Variants in SHB observed in about 807,000 individuals in gnomAD.
The protein encoded by SHB is SH2 domain-containing adapter protein B.
SHB carries 20 observed loss-of-function variants against 52.3 expected under a neutral mutation model. The ratio of observed to expected loss-of-function variants is 0.38; its 90% CI spans 0.27 to 0.56. The LOEUF (loss-of-function observed/expected upper bound fraction) is 0.56, where lower values mean the gene tolerates loss of function less well. SHB is among the 20% of genes least tolerant of loss of function. The pLI, the probability that SHB is intolerant of heterozygous loss-of-function variation, is 0.71. For missense variants in SHB, 825 were observed against 723.3 expected (o/e 1.14, Z -1.61); for synonymous variants, 397 against 316.5 (o/e 1.25, Z -2.70).
chr9:37,947,562 C>T (rs1260140633), intron 5 of SHB, among the ~76,000 whole-genome samples: 2 of 152,250 alleles, frequency 1.3e-5, no homozygotes, highest in Admixed American at 1.3e-4. Flanking sequence ...CCTGCCTCTG[C>T]CCATGCCTGC....
chr9:38,049,518 G>C (rs1410082541), intron 1 of SHB, among the ~76,000 whole-genome samples: 7 of 151,216 alleles, frequency 4.6e-5, no homozygotes, highest in African/African-American at 4.9e-5. Context: ...GGCTGAGACA[G>C]AAGAATCGCT....
At chr9:37,951,808 G>A (rs907141076) in intron 4 of SHB, among the ~76,000 whole-genome samples, 2 of 152,248 alleles carry the variant, frequency 1.3e-5, no homozygotes, top group Non-Finnish European at 2.9e-5. Context: ...GAGAGAAGGA[G>A]CAGAGGGTGC....
At chr9:37,959,921 A>C (rs1413626264) in intron 3 of SHB, among the ~76,000 whole-genome samples, 1 of 152,230 alleles carries the variant, frequency 6.6e-6, no homozygotes, top group Non-Finnish European at 1.5e-5. Flanking sequence ...CATTACCGGC[A>C]ACATAACAGG....
chr9:38,054,566 A>C (rs1317289897), intron 1 of SHB, among the ~76,000 whole-genome samples: 1 of 152,176 alleles, frequency 6.6e-6, no homozygotes, highest in Middle Eastern at 3.2e-3. Context: ...CACAGTTGTG[A>C]CATCAAAGGG....
intron 2 of SHB, among the ~76,000 whole-genome samples, chr9:37,985,338 G>T (rs747496935): frequency 6.4e-4 from 98 of 152,390 alleles, no homozygotes; most frequent in Non-Finnish European, 8.5e-4. Context: ...AGTACTCGAA[G>T]AGAGACAAAG....
intron 1 of SHB, among the ~76,000 whole-genome samples, chr9:38,060,742 G>A (rs1415136360): frequency 6.6e-6 from 1 of 152,164 alleles, no homozygotes; most frequent in Non-Finnish European, 1.5e-5. Flanking sequence ...TGCATCTCCT[G>A]TGGCTCCATG....
rs747385431 is a variant in SHB at position 38,067,970 on chromosome 9, C to G, written c.676G>C (p.Ala226Pro). 1.9e-6 allele frequency: 3 copies of G among 1,552,364 alleles called. No homozygotes were observed. Among genetic ancestry groups the G allele is most frequent in the Admixed American group, 3.7e-5 (2 of 54,212 alleles). Residue 226 changes from alanine to proline, a missense_variant, in exon 1 of 6, where the codon GCC (alanine) becomes CCC (proline). Coordinates refer to ENST00000377707, the MANE Select transcript of SHB (RefSeq NM_003028.3). Reference sequence around the variant, plus strand: ...GCCCCGCTCTCCTCCGCGGCTGAGGCGGCGCACTTGTTGAGCAGTTTCTTG... The same window carrying G: ...GCCCCGCTCTCCTCCGCGGCTGAGGGGGCGCACTTGTTGAGCAGTTTCTTG... ...GGKKLLNKCA[A>P]SAAEESGAGK... is the part of the protein sequence containing the mutation.
At chr9:37,994,576 TG>T (rs1218542189) in intron 2 of SHB, among the ~76,000 whole-genome samples, 1 of 152,226 alleles carries the variant, frequency 6.6e-6, no homozygotes, top group Admixed American at 6.5e-5. Flanking sequence ...TGGCAACCTC[TG>T]TTGTGGAGTG....
chr9:37,971,120 A>G (rs1202488056), intron 3 of SHB, among the ~76,000 whole-genome samples: 2 of 152,172 alleles, frequency 1.3e-5, no homozygotes, highest in East Asian at 3.9e-4. Context: ...TCTGACAGGT[A>G]CTATGCTAAG....
chr9:37,927,962 T>C (rs1587194265), intron 5 of SHB, among the ~76,000 whole-genome samples: 4 of 151,962 alleles, frequency 2.6e-5, no homozygotes, highest in African/African-American at 9.7e-5. Context: ...TTTTTTTTTT[T>C]CTACCTCTAA....
rs927408370 is a variant in SHB, at chr9:37,962,106, C to G, written c.1055-6052G>C. Among the ~76,000 whole-genome samples the G allele has an allele frequency of 5.3e-5, 8 of 152,346 alleles. 1 individual carries two copies. The South Asian group carries it at 1.7e-3, about 32-fold the overall frequency. ...CTTCTTTGAGCCTTAGCTGCCTCAT[C>G]TGCAAACCAGGGCTGACAATACCTG... is the stretch of plus-strand genomic sequence containing the variant. On this transcript the variant is annotated intron_variant, in intron 3 of 5. Transcript: ENST00000377707.
chr9:38,034,179 G>A (rs1821453199), intron 1 of SHB, among the ~76,000 whole-genome samples: 1 of 152,062 alleles, frequency 6.6e-6, no homozygotes, highest in African/African-American at 2.4e-5. Flanking sequence ...GTGTACTAAC[G>A]CCCCTCATAA....
intron 5 of SHB, among the ~76,000 whole-genome samples, chr9:37,944,164 C>T (rs1462340145): frequency 6.6e-6 from 1 of 152,122 alleles, no homozygotes; most frequent in Non-Finnish European, 1.5e-5. Flanking sequence ...GCAGAATCGC[C>T]GAAGACGATT....
At chr9:37,983,341 G>C (rs1820762204) in intron 2 of SHB, among the ~76,000 whole-genome samples, 1 of 152,210 alleles carries the variant, frequency 6.6e-6, no homozygotes, top group Admixed American at 6.5e-5. Flanking sequence ...TGTACATGAG[G>C]TTGCTCGAGA....
chr9:37,954,214 G>A (rs1475245886), intron 4 of SHB, among the ~76,000 whole-genome samples: 1 of 152,258 alleles, frequency 6.6e-6, no homozygotes, highest in African/African-American at 2.4e-5. Flanking sequence ...AAAGGTGGCA[G>A]AAGCCTCCAG....
At chr9:38,034,855 C>T (rs1194561997) in intron 1 of SHB, among the ~76,000 whole-genome samples, 1 of 152,218 alleles carries the variant, frequency 6.6e-6, no homozygotes, top group Admixed American at 6.5e-5. Flanking sequence ...CACCACCATG[C>T]CTGGCTATTT....
intron 5 of SHB, among the ~76,000 whole-genome samples, chr9:37,946,824 C>T (rs148422998): frequency 1.3e-5 from 2 of 152,210 alleles, no homozygotes; most frequent in Non-Finnish European, 2.9e-5. Context: ...GGGAGGGAGA[C>T]AGAGTGATAA....
Position 38,068,725 on chromosome 9 carries a change from G to A in SHB, c.-80C>T. The stretch of plus-strand genomic sequence containing the variant: ...TTCGGGGGGCAGCGCTGCGGCGCAG[G>A]TCCCTCGGCGCCCCGGCCCCGGCGG... On this transcript the variant is annotated 5_prime_UTR_variant, in exon 1 of 6. Transcript: ENST00000377707. 2.0e-6 allele frequency: 2 copies of A among 1,013,966 alleles called. No individual in the cohort carries two copies. The highest frequency in any genetic ancestry group is 1.2e-6 in the Non-Finnish European group (1 of 817,218). 62.8% of individuals were successfully genotyped at this position (1,013,966 alleles called of 1,614,324 possible).
At chr9:37,922,203 G>A (rs1832189924) in intron 5 of SHB, among the ~76,000 whole-genome samples, 1 of 152,242 alleles carries the variant, frequency 6.6e-6, no homozygotes, top group African/African-American at 2.4e-5. Flanking sequence ...CCAGTGTGCA[G>A]GTATGAAGCT....
Sources: allele counts gnomAD v4.1 joint callset (sites outside exome capture counted in the v4.1 genomes callset), GRCh38; gene constraint gnomAD v4.1.1; transcripts MANE v1.5; gene names NCBI Gene and HGNC (gene_info 2026-07-23, HGNC 2026-07-21).